Variants in ZNF469 observed in about 807,000 individuals in gnomAD.
The protein encoded by ZNF469 is zinc finger protein 469.
ZNF469 carries 1 observed loss-of-function variant against 1.0 expected under a neutral mutation model. The observed-to-expected ratio is 1.00, with a 90% CI of 0.35 to 4.73. ZNF469 has a LOEUF of 4.73. Ranked by LOEUF, ZNF469 falls within the 30% of genes most tolerant of loss-of-function variation. The pLI, the probability that ZNF469 is intolerant of heterozygous loss-of-function variation, is 0.16. For synonymous variants in ZNF469, 2,703 were observed against 2,363.4 expected, an observed-to-expected ratio of 1.14 and a Z score of -4.17; for missense variants, 6,100 against 5,356.3, an observed-to-expected ratio of 1.14 and a Z score of -4.33.
At chr16:88,378,045 A>C (rs1298283455), upstream of ZNF469, among the ~76,000 whole-genome samples, 1 of 152,088 alleles carries the variant, frequency 6.6e-6, no homozygotes, top group Non-Finnish European at 1.5e-5. Flanking sequence ...TACCTTGCAC[A>C]TACCTGTTAT....
At chr16:88,151,752 G>A in the ZNF469 span, among the ~76,000 whole-genome samples, 10 of 152,126 alleles carry the variant, frequency 6.6e-5, no homozygotes, top group South Asian at 8.3e-4. This position sits in a 1 kb window ranked among gnomAD's most constrained non-coding sequence, Gnocchi z 5.4. Context: ...ATCCTCGTTC[G>A]GCCACTTCTG....
the ZNF469 span, among the ~76,000 whole-genome samples, chr16:88,221,705 C>A: frequency 6.6e-6 from 1 of 152,362 alleles, no homozygotes; most frequent in East Asian, 1.9e-4. Flanking sequence ...AACAGAAATG[C>A]ATCCTTGCAC....
the ZNF469 span, among the ~76,000 whole-genome samples, chr16:88,320,305 A>G: frequency 6.6e-6 from 1 of 152,158 alleles, no homozygotes. Context: ...GTTTACTCTA[A>G]TGGTAATAAT....
chr16:88,106,097 C>G, the ZNF469 span, among the ~76,000 whole-genome samples: 2 of 152,254 alleles, frequency 1.3e-5, no homozygotes, highest in Non-Finnish European at 2.9e-5. Context: ...CCTGCCACAC[C>G]TGCAACATCT....
chr16:88,101,534 T>G, the ZNF469 span, among the ~76,000 whole-genome samples: 13,092 of 139,018 alleles, frequency 0.094, 949 homozygotes, highest in African/African-American at 0.22. Context: ...TAAACGTGCA[T>G]CTCATTACGC....
At chr16:88,140,348 G>T in the ZNF469 span, among the ~76,000 whole-genome samples, 1 of 151,898 alleles carries the variant, frequency 6.6e-6, no homozygotes, top group Non-Finnish European at 1.5e-5. Flanking sequence ...CGGAGGAAAG[G>T]AGGACGGAGC....
At chr16:88,342,223 CG>C in the ZNF469 span, among the ~76,000 whole-genome samples, 1 of 152,036 alleles carries the variant, frequency 6.6e-6, no homozygotes. Context: ...GAAGGTGACT[CG>C]AGAGATTTAC....
chr16:88,204,251 C>A, the ZNF469 span, among the ~76,000 whole-genome samples: 1 of 150,048 alleles, frequency 6.7e-6, no homozygotes, highest in African/African-American at 2.5e-5. Context: ...CAGCGGGAGG[C>A]GCACCATAAC....
the ZNF469 span, among the ~76,000 whole-genome samples, chr16:88,288,622 C>G: frequency 6.6e-6 from 1 of 152,126 alleles, no homozygotes; most frequent in Non-Finnish European, 1.5e-5. Context: ...GCTCTTCTGC[C>G]AAGAGGAATT....
intron 1 of ZNF469, among the ~76,000 whole-genome samples, chr16:88,416,600 G>A (rs191938500): frequency 3.9e-5 from 6 of 152,338 alleles, no homozygotes; most frequent in African/African-American, 1.2e-4. Flanking sequence ...CACTTCAGAC[G>A]CCACCACCAT....
the ZNF469 span, among the ~76,000 whole-genome samples, chr16:88,133,168 A>G: frequency 0.033 from 5,087 of 151,996 alleles, no homozygotes; most frequent in African/African-American, 0.11. Flanking sequence ...ACAGCACCTC[A>G]CTCGGGAAGG....
Position 88,437,381 on chromosome 16 carries a change from C to T in ZNF469, c.9911C>T (p.Pro3304Leu). 1 of 1,536,958 alleles carries T rather than the reference C, an allele frequency of 6.5e-7. No homozygotes were observed. Among genetic ancestry groups the T allele is most frequent in the Non-Finnish European group, 8.8e-7 (1 of 1,141,008 alleles). Residue 3304 changes from proline to leucine, a missense_variant, in exon 3 of 3, where the codon CCC becomes CTC. Pro to Leu is a moderately conservative substitution (Grantham distance 98, BLOSUM62 -3). Coordinates refer to ENST00000565624, the MANE Select transcript of ZNF469 (RefSeq NM_001367624.2). Reference sequence around the variant, plus strand: ...CTGGCTGACGCCGGCAGCCCGGGCCCCCCCAGGACGACCCCCAGCCCGTCC... The same window carrying T: ...CTGGCTGACGCCGGCAGCCCGGGCCTCCCCAGGACGACCCCCAGCCCGTCC... ...TALADAGSPG[P>L]PRTTPSPSPD...
the ZNF469 span, among the ~76,000 whole-genome samples, chr16:88,253,348 C>G: frequency 6.6e-6 from 1 of 152,152 alleles, no homozygotes. Flanking sequence ...GCTTCATTAC[C>G]TACACTTGGG....
the ZNF469 span, among the ~76,000 whole-genome samples, chr16:88,135,636 G>A: frequency 2.6e-5 from 4 of 151,994 alleles, no homozygotes; most frequent in African/African-American, 4.8e-5. Context: ...ACCCACACCC[G>A]GGGCCCCTCT....
upstream of ZNF469, among the ~76,000 whole-genome samples, chr16:88,380,468 TGCACTCACACATACGTGCACACACAC>T (rs2092518810): frequency 1.8e-5 from 2 of 110,090 alleles, no homozygotes; most frequent in South Asian, 3.2e-4. Context: ...CACACACACA[TGCACTCACACATACGTGCACACACAC>T]ATGCACTCAC....
At chr16:88,185,484 TCA>T in the ZNF469 span, among the ~76,000 whole-genome samples, 1 of 73,116 alleles carries the variant, frequency 1.4e-5, no homozygotes, top group Non-Finnish European at 3.0e-5. Context: ...ATTTGCACAC[TCA>T]CATGACTATA....
At chr16:88,169,261 A>G in the ZNF469 span, among the ~76,000 whole-genome samples, 1 of 152,194 alleles carries the variant, frequency 6.6e-6, no homozygotes, top group African/African-American at 2.4e-5. This position sits in a 1 kb window ranked among gnomAD's most constrained non-coding sequence, Gnocchi z 6.1. Flanking sequence ...CTACGTCAGT[A>G]AAATCCACAC....
intron 1 of ZNF469, among the ~76,000 whole-genome samples, chr16:88,398,603 G>A (rs1044171753): frequency 6.7e-6 from 1 of 149,686 alleles, no homozygotes; most frequent in African/African-American, 2.5e-5. Flanking sequence ...AGATGAAGGG[G>A]GCATGTGAGC....
the ZNF469 span, among the ~76,000 whole-genome samples, chr16:88,209,549 C>T: frequency 3.5e-4 from 53 of 152,164 alleles, no homozygotes; most frequent in Non-Finnish European, 5.9e-4. Context: ...CCTCGGCCTC[C>T]CAAAGTGCTG....
Sources: allele counts gnomAD v4.1 joint callset (sites outside exome capture counted in the v4.1 genomes callset), GRCh38; gene constraint gnomAD v4.1.1; non-coding constraint Gnocchi (gnomAD v3.1); transcripts MANE v1.5; gene names NCBI Gene and HGNC (gene_info 2026-07-23, HGNC 2026-07-21).